The following GRM3 variants were observed in gnomAD, a reference collection of about 807,000 sequenced individuals.
GRM3 encodes metabotropic glutamate receptor 3.
Under a neutral mutation model 70.5 loss-of-function variants are expected in GRM3, and 26 were observed. The observed-to-expected ratio is 0.37, with a 90% CI of 0.27 to 0.51. GRM3 has a LOEUF of 0.51. GRM3 is among the 20% of genes least tolerant of loss of function. The pLI is 0.93. For synonymous variants in GRM3, 443 were observed against 434.9 expected, an observed-to-expected ratio of 1.02 and a Z score of -0.23; for missense variants, 859 against 1,123.8, an observed-to-expected ratio of 0.76 and a Z score of 3.37.
chr7:86,735,229 C>G (rs1403332005), intron 1 of GRM3, among the ~76,000 whole-genome samples: 1 of 152,304 alleles, frequency 6.6e-6, no homozygotes, highest in East Asian at 1.9e-4. Flanking sequence ...TCAGTCCTAA[C>G]TTATTAACAG....
chr7:86,790,761 T>C (rs1211150303), intron 3 of GRM3, among the ~76,000 whole-genome samples: 1 of 152,122 alleles, frequency 6.6e-6, no homozygotes, highest in African/African-American at 2.4e-5. Flanking sequence ...AACCCAGATA[T>C]TTCTGTGGTT....
chr7:86,719,762 G>A lies in GRM3; in HGVS notation c.-140-45244G>A, dbSNP rs16888199. Among the ~76,000 whole-genome samples, 1,345 of 151,934 alleles carry A rather than the reference G, an allele frequency of 8.9e-3. 16 individuals carry two copies. Among genetic ancestry groups the A allele is most frequent in the African/African-American group, 0.031 (1,279 of 41,490 alleles). On this transcript the variant is annotated intron_variant, in intron 1 of 5. Coordinates refer to ENST00000361669, the MANE Select transcript of GRM3 (RefSeq NM_000840.3). ...AGTATGATAAAAGAGCATCTAACAG[G>A]ACAATCTAGTTAGACTGGGAAATCA...
At position 86,817,426 on chromosome 7, in the gene GRM3, A is replaced by G. The variant is rs550433237; in HGVS notation, c.1325-21413A>G. On this transcript the variant is annotated intron_variant, in intron 3 of 5. Transcript: ENST00000361669. ...CCGAGCTACAATTCCAATCTTATTT[A>G]TGAATATAAAATTAACTCAAAATAT... Among the ~76,000 whole-genome samples the G allele has an allele frequency of 2.0e-5, 3 of 152,062 alleles. No homozygotes were observed. In the East Asian group the frequency reaches 5.8e-4, roughly 29 times the overall value.
intron 1 of GRM3, among the ~76,000 whole-genome samples, chr7:86,746,377 T>A (rs1158718952): frequency 1.7e-4 from 13 of 77,302 alleles, no homozygotes; most frequent in African/African-American, 7.7e-4. Context: ...ATATATATAA[T>A]CACTTCAATA....
intron 1 of GRM3, among the ~76,000 whole-genome samples, chr7:86,651,418 G>T (rs1793603342): frequency 6.6e-6 from 1 of 152,048 alleles, no homozygotes; most frequent in Admixed American, 6.6e-5. Flanking sequence ...ACCATGTCTT[G>T]GTGAATACAA....
chr7:86,695,944 AG>A (rs1794804881), intron 1 of GRM3, among the ~76,000 whole-genome samples: 1 of 152,198 alleles, frequency 6.6e-6, no homozygotes, highest in South Asian at 2.1e-4. Flanking sequence ...TTATCTGGAA[AG>A]GTACAGTTTA....
Position 86,647,028 on chromosome 7 carries a change from C to T in GRM3, c.-141+2156C>T, listed in dbSNP as rs138972714. On this transcript the variant is annotated intron_variant, in intron 1 of 5. Coordinates refer to ENST00000361669, the MANE Select transcript of GRM3 (RefSeq NM_000840.3). Reference sequence around the variant, plus strand: ...GTAAGTTGAACAAATGCAAATATAACGAAATTGATTGAGCTTTATGTTTAA... The same window carrying T: ...GTAAGTTGAACAAATGCAAATATAATGAAATTGATTGAGCTTTATGTTTAA... Among the ~76,000 whole-genome samples the T allele has an allele frequency of 2.1e-3, 319 of 152,050 alleles. 6 individuals carry two copies. The East Asian group carries it at 0.045, about 22-fold the overall frequency.
At position 86,644,820 on chromosome 7, in the gene GRM3, C is replaced by T. The variant is rs766313429; in HGVS notation, c.-193C>T. On this transcript the variant is annotated 5_prime_UTR_variant, in exon 1 of 6. Coordinates refer to ENST00000361669, the MANE Select transcript of GRM3 (RefSeq NM_000840.3). ...CAGAGCCCGGGTGCAGGCTCACCGC[C>T]GCCGCTGCCACCGCGGTCAGCTCCA... 45 of 1,289,614 alleles carry T rather than the reference C, an allele frequency of 3.5e-5. 1 individual carries two copies. The South Asian group carries it at 4.8e-4, about 14-fold the overall frequency. 79.9% of individuals were successfully genotyped at this position (1,289,614 alleles called of 1,614,324 possible).
chr7:86,831,345 T>A (rs933890561), intron 3 of GRM3, among the ~76,000 whole-genome samples: 62 of 152,126 alleles, frequency 4.1e-4, no homozygotes, highest in Non-Finnish European at 8.4e-4. Flanking sequence ...CAATGAAAAT[T>A]TTTACAAATC....
chr7:86,722,491 C>A (rs1459657564), intron 1 of GRM3, among the ~76,000 whole-genome samples: 6 of 151,094 alleles, frequency 4.0e-5, no homozygotes, highest in Admixed American at 2.0e-4. Context: ...TCTCAGCAAA[C>A]TAACACAAAA....
intron 3 of GRM3, among the ~76,000 whole-genome samples, chr7:86,828,201 T>C (rs1798282198): frequency 1.3e-5 from 2 of 151,420 alleles, no homozygotes; most frequent in Non-Finnish European, 2.9e-5. Context: ...TTGATTGACT[T>C]ATGAAAAGGT....
At chr7:86,842,331 C>A (rs1197690493) in intron 4 of GRM3, among the ~76,000 whole-genome samples, 1 of 152,152 alleles carries the variant, frequency 6.6e-6, no homozygotes, top group Non-Finnish European at 1.5e-5. Context: ...TATCCAGATT[C>A]TTGGTTTTTC....
At chr7:86,728,896 A>G (rs1394708335) in intron 1 of GRM3, among the ~76,000 whole-genome samples, 1 of 152,182 alleles carries the variant, frequency 6.6e-6, no homozygotes, top group African/African-American at 2.4e-5. Flanking sequence ...GGTCCAGAGA[A>G]ACTTAATTCC....
intron 1 of GRM3, among the ~76,000 whole-genome samples, chr7:86,723,029 T>A (rs1192103203): frequency 6.6e-6 from 1 of 152,092 alleles, no homozygotes; most frequent in African/African-American, 2.4e-5. Flanking sequence ...CCAAATGATA[T>A]AAATATTAAT....
chr7:86,691,323 C>T (rs1365147020), intron 1 of GRM3, among the ~76,000 whole-genome samples: 1 of 152,140 alleles, frequency 6.6e-6, no homozygotes, highest in Admixed American at 6.6e-5. Flanking sequence ...TCACACACTG[C>T]ATTCTCCATT....
chr7:86,756,636 C>T lies in GRM3; in HGVS notation c.-140-8370C>T, dbSNP rs181570965. Reference sequence around the variant, plus strand: ...TATTCTGATTGTTTTCAAGGATTTTCCTTTACCTTTACTTTAATCAATTTG... The same window carrying T: ...TATTCTGATTGTTTTCAAGGATTTTTCTTTACCTTTACTTTAATCAATTTG... On this transcript the variant is annotated intron_variant, in intron 1 of 5. Coordinates refer to ENST00000361669, the MANE Select transcript of GRM3 (RefSeq NM_000840.3). 5.1e-3 allele frequency among the ~76,000 whole-genome samples: 778 copies of T among 152,146 alleles called. 4 individuals carry two copies. Among genetic ancestry groups the T allele is most frequent in the Non-Finnish European group, 6.9e-3 (469 of 67,984 alleles).
At chr7:86,649,584 G>C (rs926385488) in intron 1 of GRM3, among the ~76,000 whole-genome samples, 7 of 152,002 alleles carry the variant, frequency 4.6e-5, no homozygotes, top group Admixed American at 4.6e-4. Context: ...ATCATTGACT[G>C]TATAACTACA....
chr7:86,786,734 G>T lies in GRM3; in HGVS notation c.942G>T (p.Glu314Asp). The T allele has an allele frequency of 6.2e-7, 1 of 1,613,558 alleles. No individual in the cohort carries two copies. The highest frequency in any genetic ancestry group is 1.6e-4 in the Middle Eastern group (1 of 6,062). Residue 314 changes from glutamate to aspartate, a missense_variant, in exon 3 of 6, where the codon GAG becomes GAT. By Grantham distance (45) the Glu-to-Asp change is conservative. Transcript: ENST00000361669. The surrounding 1 kb of genome is among the most constrained non-coding windows in gnomAD (Gnocchi z 6.0). Reference protein sequence around the residue: ...GAQESIIKGSEHVAYGAITLE... With the variant: ...GAQESIIKGSDHVAYGAITLE... The stretch of plus-strand genomic sequence containing the variant: ...AGGAGAGCATCATCAAGGGCAGCGA[G>T]CATGTGGCCTACGGCGCCATCACCC...
At chr7:86,645,985 G>C (rs1270696983) in intron 1 of GRM3, among the ~76,000 whole-genome samples, 210 of 21,992 alleles carry the variant, frequency 9.5e-3, no homozygotes, top group African/African-American at 0.04. Context: ...TGTGGTGGGC[G>C]GGGGGGTGGG....
Sources: allele counts gnomAD v4.1 joint callset (sites outside exome capture counted in the v4.1 genomes callset), GRCh38; gene constraint gnomAD v4.1.1; non-coding constraint Gnocchi (gnomAD v3.1); transcripts MANE v1.5; gene names NCBI Gene and HGNC (gene_info 2026-07-23, HGNC 2026-07-21).